Variants in ORAI2 observed in about 807,000 individuals in gnomAD.
The protein encoded by ORAI2 is ORAI calcium release-activated calcium modulator 2, also known as protein orai-2.
In ORAI2, 10 loss-of-function variants were observed where a neutral mutation model predicts 16.2. That is an observed-to-expected ratio of 0.62 (90% CI 0.38 to 1.04). ORAI2 has a LOEUF of 1.04. Ranked by LOEUF, ORAI2 falls within the 50% of genes least tolerant of loss-of-function variation. The pLI is 0.01. For synonymous variants in ORAI2, 150 were observed against 157.5 expected (o/e 0.95, Z 0.35); for missense variants, 238 against 355.5 (o/e 0.67, Z 2.66).
At chr7:102,441,842 C>T (rs75308597) in intron 3 of ORAI2, among the ~76,000 whole-genome samples, 6 of 152,086 alleles carry the variant, frequency 3.9e-5, no homozygotes, top group African/African-American at 1.4e-4. Flanking sequence ...TAGCGCCATC[C>T]GGTCAGATCG....
intron 3 of ORAI2, among the ~76,000 whole-genome samples, chr7:102,439,982 T>C (rs913488105): frequency 6.6e-6 from 1 of 152,044 alleles, no homozygotes; most frequent in African/African-American, 2.4e-5. Flanking sequence ...CTTGGGAGGC[T>C]GAGACACAAG....
Position 102,446,514 on chromosome 7 carries a change from T to A in ORAI2, c.227T>A (p.Val76Glu). The A allele has an allele frequency of 6.2e-7, 1 of 1,605,644 alleles. No individual in the cohort carries two copies. The highest frequency in any genetic ancestry group is 8.5e-7 in the Non-Finnish European group (1 of 1,176,444). The change falls in exon 4 of 4, where the codon GTG becomes GAG. Residue 76 changes from valine to glutamate, a missense_variant and splice_region_variant. Coordinates refer to ENST00000495936, the MANE Select transcript of ORAI2 (RefSeq NM_001126340.3). ...TSALLSGFAM[V>E]AMVEVQLETQ... ...ACCACTCGTCTGCTGTCCCCGCAGG[T>A]GGCCATGGTGGAGGTGCAGCTGGAG...
intron 3 of ORAI2, among the ~76,000 whole-genome samples, chr7:102,443,132 T>TTCTTCTTC (rs1491130319): frequency 1.8e-5 from 1 of 55,820 alleles, no homozygotes; most frequent in Non-Finnish European, 3.8e-5. Context: ...CTTCTTCTTC[T>TTCTTCTTC]TTTTTTTTTT....
chr7:102,456,550 A>G lies in ORAI2; in HGVS notation c.*9498A>G, dbSNP rs1361878897. 1 of 151,866 alleles carries G rather than the reference A, an allele frequency of 6.6e-6. No individual in the cohort carries two copies. Among genetic ancestry groups the G allele is most frequent in the African/African-American group, 2.4e-5 (1 of 41,320 alleles). 9.4% of individuals were successfully genotyped at this position (151,866 alleles called of 1,614,324 possible). Reference sequence around the variant, plus strand: ...TCACCGCGCCTGGCCGGGAGCTTTAATTTTTCCTACTTGTTAACAGCGTTA... The same window carrying G: ...TCACCGCGCCTGGCCGGGAGCTTTAGTTTTTCCTACTTGTTAACAGCGTTA... On this transcript the variant is annotated 3_prime_UTR_variant, in exon 4 of 4. Coordinates refer to ENST00000495936, the MANE Select transcript of ORAI2 (RefSeq NM_001126340.3).
At chr7:102,445,877 TTCTC>T (rs780935749) in intron 3 of ORAI2, among the ~76,000 whole-genome samples, 12 of 148,936 alleles carry the variant, frequency 8.1e-5, no homozygotes, top group South Asian at 6.4e-4. Context: ...TTTCTTTTCT[TTCTC>T]TCTCTTTCTT....
Position 102,449,905 on chromosome 7 carries a change from C to T in ORAI2, c.*2853C>T, listed in dbSNP as rs1366781624. The T allele has an allele frequency of 6.6e-6, 1 of 152,054 alleles. No homozygotes were observed. Among genetic ancestry groups the T allele is most frequent in the African/African-American group, 2.4e-5 (1 of 41,330 alleles). 9.4% of individuals were successfully genotyped at this position (152,054 alleles called of 1,614,324 possible). ...TTGGGAGGCCAAAGCAGGTGGATCA[C>T]TTGAGGTCAGGAGTTCGAGACCAGC... On this transcript the variant is annotated 3_prime_UTR_variant, in exon 4 of 4. Transcript: ENST00000495936.
At position 102,447,053 on chromosome 7, in the gene ORAI2, G is replaced by GGGGCCGA. The variant is rs1324267629; in HGVS notation, c.*8_*14dup. ...TGAGCGCAGCCTGCAGGTCTTGTGA[G>GGGGCCGA]GGGCCGAGGGCCGGGGCTGGGAGCG... On this transcript the variant is annotated 3_prime_UTR_variant, in exon 4 of 4. Transcript: ENST00000495936. 1.3e-6 allele frequency: 2 copies of GGGGCCGA among 1,530,512 alleles called. No homozygotes were observed. Among genetic ancestry groups the GGGGCCGA allele is most frequent in the African/African-American group, 2.7e-5 (2 of 72,902 alleles). 94.8% of individuals were successfully genotyped at this position (1,530,512 alleles called of 1,614,324 possible). A position where few individuals can be genotyped will look rare whatever the true frequency, so the allele number is the denominator to read the frequency against.
At position 102,446,707 on chromosome 7, in the gene ORAI2, G is replaced by A; in HGVS notation, c.420G>A (p.Glu140=). 1 of 1,614,222 alleles carries A rather than the reference G, an allele frequency of 6.2e-7. No individual in the cohort carries two copies. The highest frequency in any genetic ancestry group is 1.3e-5 in the African/African-American group (1 of 75,068). Residue 140 remains glutamate, a synonymous_variant, in exon 4 of 4, where the codon GAG becomes GAA. Transcript: ENST00000495936. ...NLNSISESPH[E]RMHPYIELAW... is the part of the protein sequence containing the mutation. ...ACTCCATCAGCGAGTCCCCGCATGA[G>A]CGCATGCACCCCTACATCGAGCTGG...
At chr7:102,445,644 C>T (rs200870526) in intron 3 of ORAI2, among the ~76,000 whole-genome samples, 3 of 151,852 alleles carry the variant, frequency 2.0e-5, no homozygotes, top group Admixed American at 1.3e-4. Flanking sequence ...GAGACAGGGT[C>T]TCCTTCTGTC....
At position 102,453,166 on chromosome 7, in the gene ORAI2, G is replaced by A. The variant is rs1433834294; in HGVS notation, c.*6114G>A. The A allele has an allele frequency of 1.3e-5, 2 of 152,034 alleles. 1 individual carries two copies. 9.4% of individuals were successfully genotyped at this position (152,034 alleles called of 1,614,324 possible). On this transcript the variant is annotated 3_prime_UTR_variant, in exon 4 of 4. Transcript: ENST00000495936. ...TTTTTGTATTTTTAGTAGAGATGGG[G>A]TTTCTCCATGTTAGCCAAGCTGGTC...
chr7:102,437,167 C>G (rs1278027857), intron 2 of ORAI2, among the ~76,000 whole-genome samples: 2 of 152,146 alleles, frequency 1.3e-5, no homozygotes, highest in Non-Finnish European at 2.9e-5. Context: ...AGGTGTGAGT[C>G]CAGGCATCTC....
intron 3 of ORAI2, among the ~76,000 whole-genome samples, chr7:102,440,222 G>T (rs1797159150): frequency 6.6e-6 from 1 of 152,166 alleles, no homozygotes; most frequent in Non-Finnish European, 1.5e-5. Context: ...CTCTGAGCAG[G>T]GCCTCAGAGA....
chr7:102,442,617 G>A (rs1797236075), intron 3 of ORAI2, among the ~76,000 whole-genome samples: 1 of 152,074 alleles, frequency 6.6e-6, no homozygotes, highest in Non-Finnish European at 1.5e-5. Flanking sequence ...AACCCGGGAG[G>A]CAAAGGTTGC....
rs755131372 is a variant in ORAI2 at position 102,446,843 on chromosome 7, C to A, written c.556C>A (p.Pro186Thr). The A allele has an allele frequency of 6.2e-7, 1 of 1,613,816 alleles. No individual in the cohort carries two copies. The highest frequency in any genetic ancestry group is 8.5e-7 in the Non-Finnish European group (1 of 1,179,984). Residue 186 changes from proline to threonine, a missense_variant, in exon 4 of 4, where the codon CCT (proline) becomes ACT (threonine). Pro to Thr is a conservative substitution (Grantham distance 38). Around this residue, in one of 3 missense-constraint regions of ORAI2, gnomAD observed 176 missense variants for 265.9 expected, o/e 0.66. Transcript: ENST00000495936. ...TGCCCGGCGCCAGCCTGGCCCCCCA[C>A]CTGGCCCTGGGAGTCACACGGGCTG... ...VDARRQPGPP[P>T]GPGSHTGWQA...
chr7:102,436,421 G>A (rs1203613861), intron 2 of ORAI2, 88 bp downstream of exon 2: 2 of 819,838 alleles, frequency 2.4e-6, no homozygotes, highest in African/African-American at 1.9e-5. Context: ...TAGCCTTGTT[G>A]AGAACAAAGG....
rs374278380 is a variant in ORAI2, at chr7:102,437,308, T to C, written c.-14+975T>C. Among the ~76,000 whole-genome samples the C allele has an allele frequency of 7.2e-5, 11 of 152,280 alleles. No individual in the cohort carries two copies. In the South Asian group the frequency reaches 1.4e-3, roughly 20 times the overall value. ...GTCCAATATTTTTCTTAGGGTGAAC[T>C]GTACTGATCAAAATTTAAGTTGAAG... is the stretch of plus-strand genomic sequence containing the variant. On this transcript the variant is annotated intron_variant, in intron 2 of 3. Coordinates refer to ENST00000495936, the MANE Select transcript of ORAI2 (RefSeq NM_001126340.3).
In ORAI2 at chr7:102,451,807, A is replaced by G. The variant is rs929553384; in HGVS notation, c.*4755A>G. 1 of 152,276 alleles carries G rather than the reference A, an allele frequency of 6.6e-6. No homozygotes were observed. Among genetic ancestry groups the G allele is most frequent in the Non-Finnish European group, 1.5e-5 (1 of 68,076 alleles). The allele number at this position is 152,276 out of a possible 1,614,324, so 9.4% of individuals were successfully genotyped here. ...CCGGCAAGGGGGCGTGGACATCTCT[A>G]GAATGGAGGCAGGGTACTCATGTCC... is the stretch of plus-strand genomic sequence containing the variant. On this transcript the variant is annotated 3_prime_UTR_variant, in exon 4 of 4. Coordinates refer to ENST00000495936, the MANE Select transcript of ORAI2 (RefSeq NM_001126340.3).
In ORAI2 at chr7:102,439,003, G is replaced by A. The variant is rs1400623556; in HGVS notation, c.47G>A (p.Cys16Tyr). ...CCTATCGACCCCTCTGCTCCTGCCT[G>A]CCCTGAGCCCGGCCATAAGGGCATG... The part of the protein sequence containing the change: ...NVPIDPSAPA[C>Y]PEPGHKGMDY... Residue 16 changes from cysteine (C) to tyrosine (Y), a missense_variant, in exon 3 of 4, where the codon TGC (cysteine) becomes TAC (tyrosine). By Grantham distance (194) the Cys-to-Tyr change is radical (BLOSUM62 -2). This residue lies in a region of ORAI2 where 61 missense variants were observed against 72.7 expected (regional missense o/e 0.84). Coordinates refer to ENST00000495936, the MANE Select transcript of ORAI2 (RefSeq NM_001126340.3). 1.9e-6 allele frequency: 3 copies of A among 1,613,952 alleles called. No individual in the cohort carries two copies. The highest frequency in any genetic ancestry group is 1.7e-5 in the Admixed American group (1 of 59,978).
Position 102,447,064 on chromosome 7 carries a change from C to A in ORAI2, c.*12C>A. On this transcript the variant is annotated 3_prime_UTR_variant, in exon 4 of 4. Transcript: ENST00000495936. ...TGCAGGTCTTGTGAGGGGCCGAGGG[C>A]CGGGGCTGGGAGCGGCCCTGTGCCC... The A allele has an allele frequency of 6.6e-7, 1 of 1,519,396 alleles. No individual in the cohort carries two copies. Among genetic ancestry groups the A allele is most frequent in the South Asian group, 1.2e-5 (1 of 81,570 alleles). The allele number at this position is 1,519,396 out of a possible 1,614,324, so 94.1% of individuals were successfully genotyped here.
Sources: gnomAD v4.1 joint callset for allele counts (sites outside exome capture counted in the v4.1 genomes callset) on GRCh38, gnomAD v4.1.1 for gene constraint, gnomAD v4.1.1 regional missense constraint, MANE v1.5 for transcripts, NCBI Gene and HGNC (gene_info 2026-07-23, HGNC 2026-07-21) for gene names.